GREB1: variants seen among roughly 807,000 people sequenced by gnomAD.
The protein encoded by GREB1 is growth regulating estrogen receptor binding 1.
GREB1 carries 106 observed loss-of-function variants against 200.7 expected under a neutral mutation model. The ratio of observed to expected loss-of-function variants is 0.53; its 90% CI spans 0.45 to 0.62. The LOEUF is 0.62. Ranked by LOEUF, GREB1 falls within the 20% of genes least tolerant of loss-of-function variation. GREB1 has a pLI of 0.00. For synonymous variants in GREB1, 1,132 were observed against 1,092.4 expected, an observed-to-expected ratio of 1.04 and a Z score of -0.72; for missense variants, 2,243 against 2,556.8, an observed-to-expected ratio of 0.88 and a Z score of 2.65.
chr2:11,532,866 T>A (rs1358091038), upstream of GREB1, among the ~76,000 whole-genome samples: 1 of 152,224 alleles, frequency 6.6e-6, no homozygotes, highest in African/African-American at 2.4e-5. Context: ...ACCTGCCATA[T>A]GGCAGACGGT....
chr2:11,610,797 G>GTGGAGACGC lies in GREB1; in HGVS notation c.2783_2791dup (p.Thr928_Glu930dup). The GTGGAGACGC allele has an allele frequency of 6.2e-7, 1 of 1,613,562 alleles. No individual in the cohort carries two copies. The highest frequency in any genetic ancestry group is 8.5e-7 in the Non-Finnish European group (1 of 1,179,996). ...CCCGCAGATGAAGAACTACACGTCGGTGGAGACGCTGGAGATCACGCAGAA... is the reference window on the plus strand; with the variant it reads ...CCCGCAGATGAAGAACTACACGTCGGTGGAGACGCTGGAGACGCTGGAGATCACGCAGAA... On this transcript the variant is annotated inframe_insertion, in exon 18 of 33. Coordinates refer to ENST00000381486, the MANE Select transcript of GREB1 (RefSeq NM_014668.4).
chr2:11,490,537 T>C (rs1307438793), intron 1 of GREB1, among the ~76,000 whole-genome samples: 1 of 152,200 alleles, frequency 6.6e-6, no homozygotes, highest in Non-Finnish European at 1.5e-5. Context: ...AAATTTTTGG[T>C]ATGGAAATGT....
At chr2:11,518,023 C>T (rs1387015655) in intron 1 of GREB1, among the ~76,000 whole-genome samples, 1 of 152,172 alleles carries the variant, frequency 6.6e-6, no homozygotes, top group Admixed American at 6.5e-5. Flanking sequence ...TTTGTTTCCC[C>T]TTGACTGTGG....
rs956690046 is a variant in GREB1 at position 11,614,329 on chromosome 2, G to A, written c.3123-762G>A. Among the ~76,000 whole-genome samples the A allele has an allele frequency of 5.9e-5, 9 of 152,048 alleles. No homozygotes were observed. In the South Asian group the frequency reaches 8.3e-4, roughly 14 times the overall value. The stretch of plus-strand genomic sequence containing the variant: ...TTTAGTAGAGATGGGGTTTTGCCAT[G>A]TTGGTTAGGCTGGTCTTGAACTCCT... On this transcript the variant is annotated intron_variant, in intron 19 of 32. Coordinates refer to ENST00000381486, the MANE Select transcript of GREB1 (RefSeq NM_014668.4).
intron 9 of GREB1, chr2:11,587,479 G>A (rs991676785): frequency 1.2e-6 from 2 of 1,610,902 alleles, no homozygotes; most frequent in African/African-American, 2.7e-5. Context: ...GACCCATCCT[G>A]GAATCAGAAT....
intron 1 of GREB1, among the ~76,000 whole-genome samples, chr2:11,495,338 A>G (rs2148413047): frequency 6.6e-6 from 1 of 152,286 alleles, no homozygotes; most frequent in East Asian, 1.9e-4. Flanking sequence ...TCAGAAATTT[A>G]CTAACTGGGT....
At chr2:11,539,302 C>T (rs912473513) in intron 1 of GREB1, among the ~76,000 whole-genome samples, 1 of 150,648 alleles carries the variant, frequency 6.6e-6, no homozygotes, top group Non-Finnish European at 1.5e-5. Context: ...CCTCCCATCT[C>T]GGCCTCCCAC....
intron 5 of GREB1, 101 bp from the exon 6 acceptor site, chr2:11,578,196 A>C: frequency 7.6e-7 from 1 of 1,315,560 alleles, no homozygotes; most frequent in East Asian, 2.3e-5. Flanking sequence ...GGCTGTCTCC[A>C]TAGCTCACTG....
At chr2:11,576,254 C>A in intron 4 of GREB1, 99 bp from the exon 5 acceptor site, 1 of 947,386 alleles carries the variant, frequency 1.1e-6, no homozygotes, top group Non-Finnish European at 1.6e-6. Context: ...TTGCAGCGAG[C>A]CGAGATCGCA....
chr2:11,588,570 C>T lies in GREB1; in HGVS notation c.1160-176C>T, dbSNP rs1680404927. Reference sequence around the variant, plus strand: ...AAAAGGTGACTCCTCTCATCCTAGGCTCCAGGAGGGTGAGCAGGTGCACTC... The same window carrying T: ...AAAAGGTGACTCCTCTCATCCTAGGTTCCAGGAGGGTGAGCAGGTGCACTC... On this transcript the variant is annotated intron_variant, in intron 9 of 32. Coordinates refer to ENST00000381486, the MANE Select transcript of GREB1 (RefSeq NM_014668.4). 7.2e-6 allele frequency: 5 copies of T among 691,140 alleles called. No individual in the cohort carries two copies. The South Asian group carries it at 8.3e-5, about 11-fold the overall frequency. The allele number at this position is 691,140 out of a possible 1,614,324, so 42.8% of individuals were successfully genotyped here.
chr2:11,587,968 G>A, intron 9 of GREB1: 3 of 985,718 alleles, frequency 3.0e-6, no homozygotes, highest in Non-Finnish European at 3.6e-6. Flanking sequence ...GCTCACGCCT[G>A]TAATCCCAGA....
intron 4 of GREB1, among the ~76,000 whole-genome samples, chr2:11,572,743 A>C (rs1022637072): frequency 6.6e-6 from 1 of 151,646 alleles, no homozygotes; most frequent in Non-Finnish European, 1.5e-5. Context: ...GACATGTTAG[A>C]TATCTCGTAG....
rs869033068 is a variant in GREB1 at position 11,587,693 on chromosome 2, TAACACA to T, written c.1160-1052_1160-1047del. 5.7e-3 allele frequency: 5,598 copies of T among 979,792 alleles called. 140 individuals are homozygous for T. In the African/African-American group the frequency reaches 0.058, roughly 10 times the overall value. The allele number at this position is 979,792 out of a possible 1,614,324, so 60.7% of individuals were successfully genotyped here. A position where few individuals can be genotyped will look rare whatever the true frequency, so the allele number is the denominator to read the frequency against. The stretch of plus-strand genomic sequence containing the variant: ...TAAATGGAGTACCTGGAGTACAAGA[TAACACA>T]CACACACACACACACACACACACAC... On this transcript the variant is annotated intron_variant, in intron 9 of 32. Coordinates refer to ENST00000381486, the MANE Select transcript of GREB1 (RefSeq NM_014668.4).
Position 11,631,944 on chromosome 2 carries a change from A to G in GREB1, c.4647A>G (p.Pro1549=). 6.2e-7 allele frequency: 1 copy of G among 1,613,956 alleles called. No individual in the cohort carries two copies. Among genetic ancestry groups the G allele is most frequent in the Non-Finnish European group, 8.5e-7 (1 of 1,179,932 alleles). Residue 1549 remains proline (P), a synonymous_variant, in exon 27 of 33, where the codon CCA becomes CCG. Transcript: ENST00000381486. ...ATATAAAAAGTCCGACATTCACTCCAACCACCGGCCGTCACGAACATGGGC... is the reference window on the plus strand; with the variant it reads ...ATATAAAAAGTCCGACATTCACTCCGACCACCGGCCGTCACGAACATGGGC... The part of the protein sequence containing the change: ...HEYIKSPTFT[P]TTGRHEHGLF...
chr2:11,544,664 G>A (rs1206016388), intron 1 of GREB1, among the ~76,000 whole-genome samples: 1 of 152,224 alleles, frequency 6.6e-6, no homozygotes, highest in African/African-American at 2.4e-5. Context: ...GAAGGCTCCT[G>A]CTCTCATCCC....
chr2:11,542,728 A>G (rs958954585), intron 1 of GREB1: 1 of 152,620 alleles, frequency 6.6e-6, no homozygotes, highest in African/African-American at 2.4e-5. Flanking sequence ...TCATGGAGAA[A>G]GAATCAAAGC....
chr2:11,631,951 G>A lies in GREB1; in HGVS notation c.4654G>A (p.Gly1552Ser), dbSNP rs567609964. 5 of 1,614,020 alleles carry A rather than the reference G, an allele frequency of 3.1e-6. No individual in the cohort carries two copies. The highest frequency in any genetic ancestry group is 1.1e-5 in the South Asian group (1 of 91,066). Reference sequence around the variant, plus strand: ...AAGTCCGACATTCACTCCAACCACCGGCCGTCACGAACATGGGCTCTTTAA... The same window carrying A: ...AAGTCCGACATTCACTCCAACCACCAGCCGTCACGAACATGGGCTCTTTAA... ...IKSPTFTPTT[G>S]RHEHGLFNLY... The change falls in exon 27 of 33, where the codon GGC becomes AGC. Residue 1552 changes from glycine to serine, a missense_variant. Physicochemically the swap from Gly to Ser is moderately conservative, Grantham distance 56. This residue lies in a region of GREB1 where 478 missense variants were observed against 616.3 expected (regional missense o/e 0.78). Transcript: ENST00000381486.
chr2:11,619,262 G>A (rs549701823), intron 22 of GREB1, among the ~76,000 whole-genome samples: 2 of 152,322 alleles, frequency 1.3e-5, no homozygotes, highest in South Asian at 4.1e-4. Flanking sequence ...CCACTGGAAG[G>A]TTTCGGTGAA....
chr2:11,630,269 A>G (rs1487386242), intron 26 of GREB1, among the ~76,000 whole-genome samples, 160 bp downstream of exon 26: 1 of 152,198 alleles, frequency 6.6e-6, no homozygotes, highest in Non-Finnish European at 1.5e-5. Context: ...AGTCACTCCA[A>G]TTCAAGCCTC....
Sources: gnomAD v4.1 joint callset for allele counts (sites outside exome capture counted in the v4.1 genomes callset) on GRCh38, gnomAD v4.1.1 for gene constraint, gnomAD v4.1.1 regional missense constraint, MANE v1.5 for transcripts, NCBI Gene and HGNC (gene_info 2026-07-23, HGNC 2026-07-21) for gene names.